Variants in TMEM63A observed in about 807,000 individuals in gnomAD.
TMEM63A encodes mechanosensitive cation channel TMEM63A.
Under a neutral mutation model 100.6 loss-of-function variants are expected in TMEM63A, and 76 were observed. The ratio of observed to expected loss-of-function variants is 0.76; its 90% CI spans 0.63 to 0.91. TMEM63A has a LOEUF of 0.91. Among genes scored for constraint, TMEM63A ranks in the 40% least tolerant of loss-of-function variants. The pLI, the probability that TMEM63A is intolerant of heterozygous loss-of-function variation, is 0.00. For synonymous variants in TMEM63A, 401 were observed against 401.1 expected (o/e 1.00, Z 0.00); for missense variants, 876 against 1,008.8 (o/e 0.87, Z 1.78).
chr1:225,871,610 A>G (rs1670509923), intron 5 of TMEM63A: 1 of 262,000 alleles, frequency 3.8e-6, no homozygotes, highest in Admixed American at 4.8e-5. Context: ...AACAATGACT[A>G]AACACCTACT....
Position 225,860,971 on chromosome 1 carries a change from T to C in TMEM63A, c.1112A>G (p.Lys371Arg). The C allele has an allele frequency of 6.2e-7, 1 of 1,611,698 alleles. No homozygotes were observed. Among genetic ancestry groups the C allele is most frequent in the Non-Finnish European group, 8.5e-7 (1 of 1,178,828 alleles). Residue 371 changes from lysine to arginine, a missense_variant, in exon 14 of 25, where the codon AAG becomes AGG. Coordinates refer to ENST00000366835, the MANE Select transcript of TMEM63A (RefSeq NM_014698.3). ...TYILKDFNAC[K>R]CQSLQCKGEP... ...ACCTTTGCACTGAAGGCTCTGACAC[T>C]TGCAGGCATTGAAATCTTTCAGGAT...
Position 225,867,969 on chromosome 1 carries a change from G to T in TMEM63A, c.433C>A (p.His145Asn). 1 of 1,614,194 alleles carries T rather than the reference G, an allele frequency of 6.2e-7. No individual in the cohort carries two copies. Among genetic ancestry groups the T allele is most frequent in the Non-Finnish European group, 8.5e-7 (1 of 1,180,040 alleles). ...DAIHYLSFQR[H>N]IIFLLVVVSF... ...ACCACCACCAACAGGAAGATGATGTGCCTCTGGAAGGACAGGTAGTGGATG... is the reference window on the plus strand; with the variant it reads ...ACCACCACCAACAGGAAGATGATGTTCCTCTGGAAGGACAGGTAGTGGATG... Residue 145 changes from histidine (H) to asparagine (N), a missense_variant, in exon 7 of 25, where the codon CAC becomes AAC. His to Asn is a moderately conservative substitution (Grantham distance 68, BLOSUM62 1). Coordinates refer to ENST00000366835, the MANE Select transcript of TMEM63A (RefSeq NM_014698.3). The surrounding 1 kb of genome is among the most constrained non-coding windows in gnomAD (Gnocchi z 4.6).
At chr1:225,848,288 C>CTT in intron 23 of TMEM63A, 1 of 592,168 alleles carries the variant, frequency 1.7e-6, no homozygotes, top group South Asian at 2.1e-5. Context: ...AGACAAGACT[C>CTT]TATCTCCTCA....
chr1:225,852,615 A>G (rs901345471), intron 20 of TMEM63A, 49 bp downstream of exon 20: 2 of 1,581,914 alleles, frequency 1.3e-6, no homozygotes, highest in Non-Finnish European at 1.7e-6. Flanking sequence ...TGGTGCAATC[A>G]GCCGTCCATG....
chr1:225,853,496 A>G lies in TMEM63A; in HGVS notation c.1797+133T>C, dbSNP rs1356802456. ...CCCGGGTTTGAGAAGCACTTAGCCC[A>G]GTGCCTGCACTAGTGGGTAGTCAGG... On this transcript the variant is annotated intron_variant, in intron 19 of 24. Transcript: ENST00000366835. The surrounding 1 kb of genome is among the most constrained non-coding windows in gnomAD (Gnocchi z 4.0). 1.1e-6 allele frequency: 1 copy of G among 947,992 alleles called. No homozygotes were observed. Among genetic ancestry groups the G allele is most frequent in the African/African-American group, 1.7e-5 (1 of 59,378 alleles). The allele number at this position is 947,992 out of a possible 1,614,324, so 58.7% of individuals were successfully genotyped here.
chr1:225,851,902 G>C (rs1669359740), intron 20 of TMEM63A, among the ~76,000 whole-genome samples: 1 of 152,236 alleles, frequency 6.6e-6, no homozygotes, highest in Admixed American at 6.5e-5. Context: ...ACAGTCCTGA[G>C]TTCAAAGGCT....
At chr1:225,847,296 A>G in intron 23 of TMEM63A, 83 bp from the exon 24 acceptor site, 2 of 1,526,596 alleles carry the variant, frequency 1.3e-6, no homozygotes, top group Non-Finnish European at 1.8e-6. Context: ...TTCTCCCAAC[A>G]GGACACAGAC....
chr1:225,855,093 T>A (rs938711584), intron 18 of TMEM63A, among the ~76,000 whole-genome samples: 1 of 152,194 alleles, frequency 6.6e-6, no homozygotes, highest in Non-Finnish European at 1.5e-5. Context: ...ATCAGCTTAC[T>A]CAGCAAGAAC....
intron 6 of TMEM63A, among the ~76,000 whole-genome samples, chr1:225,869,381 G>A (rs925917828): frequency 1.1e-4 from 17 of 152,096 alleles, no homozygotes; most frequent in Non-Finnish European, 2.1e-4. Context: ...AAACTAACTC[G>A]CCTCCTGCTT....
downstream of TMEM63A, chr1:225,844,665 A>G (rs202009881): frequency 5.6e-6 from 9 of 1,611,658 alleles, no homozygotes; most frequent in Non-Finnish European, 7.6e-6. Context: ...CTGAGGCTGG[A>G]GGCAGGGGGA....
In TMEM63A at chr1:225,867,053, G is replaced by C; in HGVS notation, c.566+59C>G. The C allele has an allele frequency of 6.3e-7, 1 of 1,595,098 alleles. No homozygotes were observed. The highest frequency in any genetic ancestry group is 8.6e-7 in the Non-Finnish European group (1 of 1,162,838). On this transcript the variant is annotated intron_variant, in intron 8 of 24. Transcript: ENST00000366835. This position sits in a 1 kb window ranked among gnomAD's most constrained non-coding sequence, Gnocchi z 4.6. ...TACCTCTGGCCTGCCCCGGGCTCCT[G>C]ACCTGCCTTCTCCTTGATCTCACCC...
At chr1:225,871,245 CAGCA>C in intron 5 of TMEM63A, 132 bp from the exon 6 acceptor site, 1 of 901,548 alleles carries the variant, frequency 1.1e-6, no homozygotes, top group Admixed American at 2.2e-5. Flanking sequence ...ATCCCATATT[CAGCA>C]AGCATGAGCC....
At chr1:225,871,903 A>G in intron 5 of TMEM63A, 84 bp downstream of exon 5, 1 of 1,055,884 alleles carries the variant, frequency 9.5e-7, no homozygotes, top group Non-Finnish European at 1.4e-6. Context: ...TTGCCGCTCA[A>G]GATCCGCCCT....
intron 16 of TMEM63A, 43 bp downstream of exon 16, chr1:225,856,868 T>A (rs1448079019): frequency 6.3e-7 from 1 of 1,597,900 alleles, no homozygotes; most frequent in Non-Finnish European, 8.5e-7. Context: ...CGGTCAGAGA[T>A]ATCCTTCTTA....
chr1:225,866,005 A>G (rs1458227252), intron 9 of TMEM63A, 38 bp from the exon 10 acceptor site: 2 of 1,606,908 alleles, frequency 1.2e-6, no homozygotes, highest in Non-Finnish European at 1.7e-6. Flanking sequence ...AGTCACCCAC[A>G]AGCCAGTGTG....
chr1:225,845,344 A>ATGACCC, downstream of TMEM63A: 1 of 1,607,386 alleles, frequency 6.2e-7, no homozygotes. Flanking sequence ...TGGAGCGGCA[A>ATGACCC]TGACCCACCC....
In TMEM63A at chr1:225,848,884, CG is replaced by C. The variant is rs750595644; in HGVS notation, c.2187+12del. ...CCAGGGCTTGACCGGGCAGTGGGGT[CG>C]GGGGCCTTTACTTTGTAGTTCAGAG... On this transcript the variant is annotated intron_variant, in intron 22 of 24. Transcript: ENST00000366835. 5 of 1,565,820 alleles carry C rather than the reference CG, an allele frequency of 3.2e-6. No homozygotes were observed. The highest frequency in any genetic ancestry group is 4.3e-6 in the Non-Finnish European group (5 of 1,153,522).
chr1:225,874,176 C>T, intron 4 of TMEM63A, 112 bp downstream of exon 4: 2 of 1,086,794 alleles, frequency 1.8e-6, no homozygotes, highest in Non-Finnish European at 2.7e-6. Context: ...GGGACACACA[C>T]ACACACACTA....
chr1:225,858,776 C>G (rs1669776346), intron 15 of TMEM63A, among the ~76,000 whole-genome samples: 1 of 151,862 alleles, frequency 6.6e-6, no homozygotes, highest in Admixed American at 6.6e-5. Flanking sequence ...TACATCCCTG[C>G]TTCTGTCAGG....
Sources: gnomAD v4.1 joint callset for allele counts (sites outside exome capture counted in the v4.1 genomes callset) on GRCh38, gnomAD v4.1.1 for gene constraint, Gnocchi (gnomAD v3.1) non-coding constraint, MANE v1.5 for transcripts, NCBI Gene and HGNC (gene_info 2026-07-23, HGNC 2026-07-21) for gene names.